YEATS2: variants seen among roughly 807,000 people sequenced by gnomAD.
YEATS2 encodes YEATS domain containing 2.
Under a neutral mutation model 163.2 loss-of-function variants are expected in YEATS2, and 77 were observed. The ratio of observed to expected loss-of-function variants is 0.47; its 90% CI spans 0.39 to 0.57. YEATS2 has a LOEUF of 0.57. Among genes scored for constraint, YEATS2 ranks in the 20% least tolerant of loss-of-function variants. The probability of loss-of-function intolerance (pLI) is 0.00; values close to 1 mark genes in which losing one functional copy is unlikely to be tolerated. For synonymous variants in YEATS2, 631 were observed against 645.1 expected (o/e 0.98, Z 0.33); for missense variants, 1,549 against 1,729.8 (o/e 0.90, Z 1.85).
At position 183,761,559 on chromosome 3, in the gene YEATS2, A is replaced by G. The variant is rs769461925; in HGVS notation, c.1709A>G (p.His570Arg). ...CCACCTCTTTGCCCAATTGGGAGTC[A>G]CCCTAAGGTTCAAAGCCCCAAACCT... ...SMPPLCPIGS[H>R]PKVQSPKPIT... The change falls in exon 14 of 31, where the codon CAC becomes CGC. Residue 570 changes from histidine (H) to arginine (R), a missense_variant. His to Arg is a conservative substitution (Grantham distance 29, BLOSUM62 0). Coordinates refer to ENST00000305135, the MANE Select transcript of YEATS2 (RefSeq NM_018023.5). The G allele has an allele frequency of 1.2e-6, 2 of 1,614,112 alleles. No homozygotes were observed. The highest frequency in any genetic ancestry group is 1.7e-6 in the Non-Finnish European group (2 of 1,180,010).
chr3:183,766,332 G>C (rs1721904714), intron 15 of YEATS2, among the ~76,000 whole-genome samples: 1 of 152,204 alleles, frequency 6.6e-6, no homozygotes, highest in Non-Finnish European at 1.5e-5. Flanking sequence ...TGAGTATCAG[G>C]CATATCCATG....
rs143473253 is a variant in YEATS2, at chr3:183,789,525, A to ATTTTTTTTTTTT, written c.2914-1255_2914-1244dup. On this transcript the variant is annotated intron_variant, in intron 20 of 30. Transcript: ENST00000305135. ...TTAGGTTTCAGATTCATTCGAGTTAATTTTTTTTTTTTTTTTTTTTTTTTT... is the reference window on the plus strand; with the variant it reads ...TTAGGTTTCAGATTCATTCGAGTTAATTTTTTTTTTTTTTTTTTTTTTTTTTTTTTTTTTTTT... 7.1e-4 allele frequency among the ~76,000 whole-genome samples: 47 copies of ATTTTTTTTTTTT among 66,350 alleles called. 6 individuals are homozygous for ATTTTTTTTTTTT. Among genetic ancestry groups the ATTTTTTTTTTTT allele is most frequent in the East Asian group, 2.0e-3 (3 of 1,512 alleles). 43.5% of individuals were successfully genotyped at this position (66,350 alleles called of 152,430 possible).
Position 183,747,726 on chromosome 3 carries a change from T to C in YEATS2, c.969+10T>C. ...TCTTGGAGCAGAGACGGTAGGTTTT[T>C]TTCCTACAGTATTATCTGGGAATGA... On this transcript the variant is annotated intron_variant, in intron 9 of 30. Transcript: ENST00000305135. 6.2e-7 allele frequency: 1 copy of C among 1,611,112 alleles called. No individual in the cohort carries two copies. The highest frequency in any genetic ancestry group is 8.5e-7 in the Non-Finnish European group (1 of 1,177,810).
chr3:183,700,792 A>G (rs1347812600), intron 1 of YEATS2, among the ~76,000 whole-genome samples: 1 of 147,644 alleles, frequency 6.8e-6, no homozygotes, highest in Non-Finnish European at 1.5e-5. Context: ...AAAAAAAAAA[A>G]GGCAGATACA....
Position 183,761,549 on chromosome 3 carries a change from A to G in YEATS2, c.1699A>G (p.Ile567Val), listed in dbSNP as rs199511096. The stretch of plus-strand genomic sequence containing the variant: ...TGCATCTATGCCACCTCTTTGCCCA[A>G]TTGGGAGTCACCCTAAGGTTCAAAG... ...LFASMPPLCP[I>V]GSHPKVQSPK... The change falls in exon 14 of 31, where the codon ATT (isoleucine) becomes GTT (valine). Residue 567 changes from isoleucine (I) to valine (V), a missense_variant. By Grantham distance (29) the Ile-to-Val change is conservative. Transcript: ENST00000305135. 5.0e-6 allele frequency: 8 copies of G among 1,614,066 alleles called. No homozygotes were observed. The highest frequency in any genetic ancestry group is 6.8e-6 in the Non-Finnish European group (8 of 1,180,020).
intron 15 of YEATS2, among the ~76,000 whole-genome samples, chr3:183,769,254 C>T (rs892753108): frequency 1.2e-4 from 16 of 134,752 alleles, no homozygotes; most frequent in African/African-American, 4.6e-4. Flanking sequence ...GCAGGCGGAT[C>T]CCCATGTTGT....
rs1720476742 is a variant in YEATS2 at position 183,754,177 on chromosome 3, C to T, written c.1202C>T (p.Pro401Leu). ...AERHTPFYALPSSLERTPTKM... is the reference protein window; with the variant it reads ...AERHTPFYALLSSLERTPTKM... The stretch of plus-strand genomic sequence containing the variant: ...CGACACACTCCGTTTTATGCTTTGC[C>T]ATCTTCATTGGAAAGAACACCCACC... Residue 401 changes from proline to leucine, a missense_variant, in exon 11 of 31, where the codon CCA becomes CTA. By Grantham distance (98) the Pro-to-Leu change is moderately conservative. Transcript: ENST00000305135. 2 of 1,611,660 alleles carry T rather than the reference C, an allele frequency of 1.2e-6. No homozygotes were observed. The highest frequency in any genetic ancestry group is 1.1e-5 in the South Asian group (1 of 90,836).
In YEATS2 at chr3:183,799,893, C is replaced by T. The variant is rs146961679; in HGVS notation, c.3326-573C>T. 2.9e-3 allele frequency among the ~76,000 whole-genome samples: 424 copies of T among 144,752 alleles called. 3 individuals are homozygous for T. Among genetic ancestry groups the T allele is most frequent in the African/African-American group, 0.011 (411 of 38,780 alleles). The allele number at this position is 144,752 out of a possible 152,430, so 95.0% of individuals were successfully genotyped here. A position where few individuals can be genotyped will look rare whatever the true frequency, so the allele number is the denominator to read the frequency against. ...TGTCACCCAGGCTGGAGTGCAGTGGCACAGTCTCGGCTCAATGCAACCTCT... is the reference window on the plus strand; with the variant it reads ...TGTCACCCAGGCTGGAGTGCAGTGGTACAGTCTCGGCTCAATGCAACCTCT... On this transcript the variant is annotated intron_variant, in intron 23 of 30. Coordinates refer to ENST00000305135, the MANE Select transcript of YEATS2 (RefSeq NM_018023.5).
intron 12 of YEATS2, 68 bp downstream of exon 12, chr3:183,756,757 T>A (rs1044341587): frequency 7.0e-6 from 9 of 1,279,146 alleles, no homozygotes; most frequent in Middle Eastern, 2.1e-4. Context: ...AATCCTGCCA[T>A]GACTTGGTAG....
At chr3:183,801,222 G>A (rs1725636518) in intron 24 of YEATS2, 1 of 408,220 alleles carries the variant, frequency 2.4e-6, no homozygotes, top group African/African-American at 2.1e-5. Flanking sequence ...TCTGTAATAT[G>A]TGCATAATCT....
chr3:183,779,156 G>A (rs546104856), intron 19 of YEATS2, among the ~76,000 whole-genome samples: 5 of 152,190 alleles, frequency 3.3e-5, no homozygotes, highest in South Asian at 2.1e-4. Context: ...TGGTCTGCCC[G>A]CCTCGGCCTC....
chr3:183,754,335 C>T lies in YEATS2; in HGVS notation c.1360C>T (p.Pro454Ser). ...TGAGTCACCTGGAAAATCCTTCCAG[C>T]CCATCACCATGAGCTGCAAGATTGT... Reference protein sequence around the residue: ...NPESPGKSFQPITMSCKIVSG... With the variant: ...NPESPGKSFQSITMSCKIVSG... The change falls in exon 11 of 31, where the codon CCC (proline) becomes TCC (serine). Residue 454 changes from proline (P) to serine (S), a missense_variant. Physicochemically the swap from Pro to Ser is moderately conservative, Grantham distance 74. Transcript: ENST00000305135. 3 of 1,614,008 alleles carry T rather than the reference C, an allele frequency of 1.9e-6. No homozygotes were observed. Among genetic ancestry groups the T allele is most frequent in the Non-Finnish European group, 2.5e-6 (3 of 1,179,904 alleles).
In YEATS2 at chr3:183,728,742, A is replaced by G; in HGVS notation, c.703A>G (p.Met235Val). ...EENDQSTHKW[M>V]VYVRGSRREP... is the part of the protein sequence containing the mutation. Reference sequence around the variant, plus strand: ...AAATGACCAGTCAACTCATAAGTGGATGGTATATGTCCGAGGGTCCCGTAG... The same window carrying G: ...AAATGACCAGTCAACTCATAAGTGGGTGGTATATGTCCGAGGGTCCCGTAG... The change falls in exon 7 of 31, where the codon ATG (methionine) becomes GTG (valine). Residue 235 changes from methionine to valine, a missense_variant. Physicochemically the swap from Met to Val is conservative, Grantham distance 21. Transcript: ENST00000305135. 1 of 1,613,832 alleles carries G rather than the reference A, an allele frequency of 6.2e-7. No homozygotes were observed. The highest frequency in any genetic ancestry group is 8.5e-7 in the Non-Finnish European group (1 of 1,179,902).
Position 183,762,131 on chromosome 3 carries a change from A to C in YEATS2, c.1799A>C (p.His600Pro). 1 of 1,614,096 alleles carries C rather than the reference A, an allele frequency of 6.2e-7. No individual in the cohort carries two copies. Among genetic ancestry groups the C allele is most frequent in the East Asian group, 2.2e-5 (1 of 44,876 alleles). Reference sequence around the variant, plus strand: ...AAACAGGAACCTGGTGAAGCCCCTCACGTGCCCGCAACAGGAGCTGCCAGC... The same window carrying C: ...AAACAGGAACCTGGTGAAGCCCCTCCCGTGCCCGCAACAGGAGCTGCCAGC... The part of the protein sequence containing the change: ...IIKQEPGEAP[H>P]VPATGAASQS... The change falls in exon 15 of 31, where the codon CAC becomes CCC. Residue 600 changes from histidine to proline, a missense_variant. Transcript: ENST00000305135.
intron 19 of YEATS2, among the ~76,000 whole-genome samples, chr3:183,781,578 C>G (rs1723565725): frequency 6.6e-6 from 1 of 152,174 alleles, no homozygotes; most frequent in Non-Finnish European, 1.5e-5. Context: ...CACAACAGTA[C>G]TTGATATTAA....
chr3:183,730,773 T>A (rs1379855330), intron 7 of YEATS2, among the ~76,000 whole-genome samples: 1 of 152,208 alleles, frequency 6.6e-6, no homozygotes, highest in Non-Finnish European at 1.5e-5. Context: ...ATTCTTAACA[T>A]CCATATAGAC....
At chr3:183,773,397 T>C (rs1322234225) in intron 16 of YEATS2, among the ~76,000 whole-genome samples, 1 of 152,236 alleles carries the variant, frequency 6.6e-6, no homozygotes, top group Non-Finnish European at 1.5e-5. Flanking sequence ...ACGATCATCC[T>C]ATTATATACA....
intron 1 of YEATS2, among the ~76,000 whole-genome samples, chr3:183,711,906 A>G (rs1358693266): frequency 4.7e-5 from 7 of 147,828 alleles, no homozygotes; most frequent in Admixed American, 1.4e-4. Context: ...TGCAGCCTCC[A>G]TTTCCCGGGT....
Position 183,810,740 on chromosome 3 carries a change from C to T in YEATS2, c.*157C>T. On this transcript the variant is annotated 3_prime_UTR_variant, in exon 31 of 31. Transcript: ENST00000305135. ...CCTGTTCCCACGTGTCACCAGCACGCTGCACTCCAGATGAAATCCTCCTAG... is the reference window on the plus strand; with the variant it reads ...CCTGTTCCCACGTGTCACCAGCACGTTGCACTCCAGATGAAATCCTCCTAG... 3.2e-6 allele frequency: 2 copies of T among 629,234 alleles called. No homozygotes were observed. Among genetic ancestry groups the T allele is most frequent in the Non-Finnish European group, 5.6e-6 (2 of 354,810 alleles). The allele number at this position is 629,234 out of a possible 1,614,324, so 39.0% of individuals were successfully genotyped here.
Sources: allele counts gnomAD v4.1 joint callset (sites outside exome capture counted in the v4.1 genomes callset), GRCh38; gene constraint gnomAD v4.1.1; transcripts MANE v1.5; gene names NCBI Gene and HGNC (gene_info 2026-07-23, HGNC 2026-07-21).